PPP2R2B: variants seen among roughly 807,000 people sequenced by gnomAD.
The protein encoded by PPP2R2B is protein phosphatase 2 regulatory subunit Bbeta, also known as serine/threonine-protein phosphatase 2A 55 kDa regulatory subunit B beta isoform.
PPP2R2B carries 5 observed loss-of-function variants against 46.0 expected under a neutral mutation model. The ratio of observed to expected loss-of-function variants is 0.11; its 90% CI spans 0.06 to 0.23. The LOEUF (loss-of-function observed/expected upper bound fraction) is 0.23. PPP2R2B is among the 10% of genes least tolerant of loss of function. PPP2R2B has a pLI of 1.00. For missense variants in PPP2R2B, 367 were observed against 575.0 expected (o/e 0.64, Z 3.70); for synonymous variants, 215 against 206.7 (o/e 1.04, Z -0.34).
chr5:146,765,947 G>A (rs1754452399), intron 2 of PPP2R2B, among the ~76,000 whole-genome samples: 1 of 152,134 alleles, frequency 6.6e-6, no homozygotes, highest in African/African-American at 2.4e-5. Context: ...GTTTAGACTG[G>A]TTGTTTTGGA....
intron 1 of PPP2R2B, among the ~76,000 whole-genome samples, chr5:147,004,010 C>A (rs1275586483): frequency 2.0e-5 from 3 of 152,074 alleles, no homozygotes; most frequent in East Asian, 1.9e-4. Flanking sequence ...TTAAACCTGG[C>A]AACCTTGGTG....
chr5:147,081,357 G>A lies in PPP2R2B; in HGVS notation c.-129C>T, dbSNP rs184947473. 50 of 1,480,058 alleles carry A rather than the reference G, an allele frequency of 3.4e-5. No homozygotes were observed. In the Admixed American group the frequency reaches 4.5e-4, roughly 13 times the overall value. The allele number at this position is 1,480,058 out of a possible 1,614,324, so 91.7% of individuals were successfully genotyped here. ...TGTGAATCACTGCTCTGTCTCCTCC[G>A]TTTGACCAGGCCAGGACCAGTTTGA... On this transcript the variant is annotated 5_prime_UTR_variant, in exon 1 of 11. Transcript: ENST00000394413.
intron 5 of PPP2R2B, among the ~76,000 whole-genome samples, chr5:146,672,358 A>C (rs576455713): frequency 6.6e-6 from 1 of 152,272 alleles, no homozygotes; most frequent in South Asian, 2.1e-4. Context: ...CAGAGACTAA[A>C]TATTCCTGAG....
intron 1 of PPP2R2B, among the ~76,000 whole-genome samples, chr5:147,010,943 G>C (rs1237743692): frequency 1.3e-5 from 2 of 152,076 alleles, no homozygotes; most frequent in Admixed American, 6.5e-5. Flanking sequence ...CAGAAGCCGG[G>C]GTTATCCTTC....
At chr5:146,646,812 C>A (rs142860069) in intron 6 of PPP2R2B, among the ~76,000 whole-genome samples, 156 of 152,234 alleles carry the variant, frequency 1.0e-3, no homozygotes, top group African/African-American at 3.7e-3. Context: ...GTTTACTGAG[C>A]ATTTGCTTAG....
chr5:146,736,531 G>A (rs540164468), intron 2 of PPP2R2B, among the ~76,000 whole-genome samples: 1 of 152,208 alleles, frequency 6.6e-6, no homozygotes, highest in East Asian at 1.9e-4. Context: ...AACCTCATAT[G>A]TCTAAAGCCC....
At chr5:146,707,916 T>A (rs1779967160) in intron 2 of PPP2R2B, among the ~76,000 whole-genome samples, 1 of 152,244 alleles carries the variant, frequency 6.6e-6, no homozygotes, top group Non-Finnish European at 1.5e-5. Flanking sequence ...ATGGTCTTTT[T>A]CTAAATCTTC....
intron 8 of PPP2R2B, among the ~76,000 whole-genome samples, chr5:146,599,614 C>G (rs11951894): frequency 6.6e-6 from 1 of 152,276 alleles, no homozygotes; most frequent in South Asian, 2.1e-4. Context: ...CCTGAACACA[C>G]CTCATTTCTC....
In PPP2R2B at chr5:146,878,606, G is replaced by T. The variant is rs1339016033; in HGVS notation, c.-140C>A. 2.3e-5 allele frequency: 29 copies of T among 1,243,858 alleles called. No homozygotes were observed. In the South Asian group the frequency reaches 3.4e-4, roughly 14 times the overall value. 77.1% of individuals were successfully genotyped at this position (1,243,858 alleles called of 1,614,324 possible). A position where few individuals can be genotyped will look rare whatever the true frequency, so the allele number is the denominator to read the frequency against. ...TCAGGCTTGCCTGGCCGGAATGAGG[G>T]TGCTGGTCCCACGGGAGGGCGGCTC... is the stretch of plus-strand genomic sequence containing the variant. On this transcript the variant is annotated 5_prime_UTR_variant, in exon 1 of 10. Transcript: ENST00000394411. This position sits in a 1 kb window ranked among gnomAD's most constrained non-coding sequence, Gnocchi z 4.5.
At chr5:146,817,206 A>G (rs1757981268) in intron 2 of PPP2R2B, among the ~76,000 whole-genome samples, 1 of 152,114 alleles carries the variant, frequency 6.6e-6, no homozygotes, top group Non-Finnish European at 1.5e-5. Flanking sequence ...GCTGTGACTC[A>G]TCCTAAAACT....
chr5:146,900,852 G>A (rs537556396), intron 1 of PPP2R2B, among the ~76,000 whole-genome samples: 46 of 151,008 alleles, frequency 3.0e-4, no homozygotes, highest in Non-Finnish European at 5.6e-4. Flanking sequence ...GTGTTTATGC[G>A]TTCATTTCAT....
At chr5:146,920,104 G>C (rs533098521) in intron 1 of PPP2R2B, among the ~76,000 whole-genome samples, 1 of 152,128 alleles carries the variant, frequency 6.6e-6, no homozygotes, top group African/African-American at 2.4e-5. Context: ...TAATCAGGCC[G>C]TACATGAAGG....
intron 1 of PPP2R2B, among the ~76,000 whole-genome samples, chr5:146,900,295 T>C (rs1385300688): frequency 6.6e-6 from 1 of 152,148 alleles, no homozygotes; most frequent in African/African-American, 2.4e-5. Flanking sequence ...TTCCAGAGTA[T>C]ATCACTGGGC....
At chr5:146,657,695 CATG>C (rs1189553405) in intron 5 of PPP2R2B, among the ~76,000 whole-genome samples, 1 of 152,000 alleles carries the variant, frequency 6.6e-6, no homozygotes, top group Admixed American at 6.6e-5. Flanking sequence ...GGGACATTTG[CATG>C]ATACTTTTAA....
At chr5:146,845,315 T>TTTTTTTTTTTTG (rs1759924138) in intron 2 of PPP2R2B, among the ~76,000 whole-genome samples, 3 of 125,504 alleles carry the variant, frequency 2.4e-5, no homozygotes, top group Non-Finnish European at 5.2e-5. Context: ...CTTTTTTTTG[T>TTTTTTTTTTTTG]TTTTTTTTGA....
intron 1 of PPP2R2B, among the ~76,000 whole-genome samples, chr5:146,980,214 T>C (rs1316610662): frequency 6.6e-6 from 1 of 152,096 alleles, no homozygotes; most frequent in Non-Finnish European, 1.5e-5. Context: ...TGTTTCAGAG[T>C]AGACTTTCCA....
chr5:146,911,362 G>C (rs56241843), intron 1 of PPP2R2B, among the ~76,000 whole-genome samples: 3,908 of 152,250 alleles, frequency 0.026, 149 homozygotes, highest in African/African-American at 0.071. Flanking sequence ...GATTACAGGG[G>C]TAAGCCACGG....
rs545772367 is a variant in PPP2R2B at position 146,632,019 on chromosome 5, T to C, written c.790+6232A>G. On this transcript the variant is annotated intron_variant, in intron 7 of 9. Coordinates refer to ENST00000394411, the MANE Select transcript of PPP2R2B (RefSeq NM_181675.4). ...CTGCTGGCTCCAGGGCTTGTGTTCT[T>C]GATGACTTTTATGTCTTTCCTCCTA... 1.6e-4 allele frequency among the ~76,000 whole-genome samples: 24 copies of C among 151,928 alleles called. 1 individual carries two copies. Among genetic ancestry groups the C allele is most frequent in the Admixed American group, 3.3e-4 (5 of 15,236 alleles).
chr5:146,830,559 C>T (rs371753392), intron 2 of PPP2R2B, among the ~76,000 whole-genome samples: 1 of 150,430 alleles, frequency 6.6e-6, no homozygotes, highest in Non-Finnish European at 1.5e-5. Flanking sequence ...GAGTCTCACT[C>T]TGTCGCCCAG....
Sources: gnomAD v4.1 joint callset for allele counts (sites outside exome capture counted in the v4.1 genomes callset) on GRCh38, gnomAD v4.1.1 for gene constraint, Gnocchi (gnomAD v3.1) non-coding constraint, MANE v1.5 for transcripts, NCBI Gene and HGNC (gene_info 2026-07-23, HGNC 2026-07-21) for gene names.